TSGA10: variants seen among roughly 807,000 people sequenced by gnomAD.
The protein encoded by TSGA10 is testis-specific gene 10 protein.
Under a neutral mutation model 96.6 loss-of-function variants are expected in TSGA10, and 43 were observed. The ratio of observed to expected loss-of-function variants is 0.44; its 90% confidence interval spans 0.35 to 0.57. TSGA10 has a LOEUF of 0.57. Among genes scored for constraint, TSGA10 ranks in the 20% least tolerant of loss-of-function variants. TSGA10 has a pLI of 0.01. For synonymous variants in TSGA10, 229 were observed against 269.9 expected, an observed-to-expected ratio of 0.85 and a Z score of 1.48; for missense variants, 703 against 834.4, an observed-to-expected ratio of 0.84 and a Z score of 1.94.
chr2:99,114,626 C>A (rs756348109), intron 4 of TSGA10, among the ~76,000 whole-genome samples: 9 of 152,122 alleles, frequency 5.9e-5, no homozygotes, highest in Admixed American at 5.2e-4. Flanking sequence ...CTTTGCCAAA[C>A]CAGGCAAAAT....
At chr2:99,060,912 C>A (rs769715652) in intron 16 of TSGA10, among the ~76,000 whole-genome samples, 1 of 152,070 alleles carries the variant, frequency 6.6e-6, no homozygotes, top group Non-Finnish European at 1.5e-5. Flanking sequence ...TTACATCATA[C>A]ACAAGTATTA....
At chr2:99,025,922 TC>T (rs1448528919) in intron 17 of TSGA10, among the ~76,000 whole-genome samples, 1 of 152,218 alleles carries the variant, frequency 6.6e-6, no homozygotes, top group East Asian at 1.9e-4. Context: ...CTTTTATCAA[TC>T]CCTAACAATT....
intron 1 of TSGA10, among the ~76,000 whole-genome samples, chr2:99,135,517 G>A (rs529380856): frequency 6.6e-6 from 1 of 152,226 alleles, no homozygotes; most frequent in East Asian, 1.9e-4. Context: ...TTTTTTCAAT[G>A]TGAAGTCTAA....
chr2:99,096,328 T>C (rs2090032115), intron 10 of TSGA10, among the ~76,000 whole-genome samples: 1 of 152,262 alleles, frequency 6.6e-6, no homozygotes. Context: ...TTTCTAAGTT[T>C]GGATCAGCTT....
chr2:99,014,658 G>T (rs894514465), intron 20 of TSGA10, among the ~76,000 whole-genome samples: 1 of 134,444 alleles, frequency 7.4e-6, no homozygotes, highest in African/African-American at 3.2e-5. Context: ...AGAATTAAAT[G>T]AAAATGAGAC....
rs1307340180 is a variant in TSGA10 at position 99,145,769 on chromosome 2, AT to A, written c.-621+8923del. ...CAGCTGGGGACCAGATATGTAGATA[AT>A]TTTTTTCTCTGATATGGGAAGCAAC... is the stretch of plus-strand genomic sequence containing the variant. On this transcript the variant is annotated intron_variant, in intron 1 of 20. Transcript: ENST00000393483. Among the ~76,000 whole-genome samples, 5 of 152,226 alleles carry A rather than the reference AT, an allele frequency of 3.3e-5. No individual in the cohort carries two copies. The East Asian group carries it at 7.7e-4, about 23-fold the overall frequency.
chr2:99,150,935 G>T (rs899672668), intron 1 of TSGA10: 6 of 719,418 alleles, frequency 8.3e-6, no homozygotes, highest in Non-Finnish European at 1.2e-5. Flanking sequence ...ACAAAATGAT[G>T]GAAGACTATT....
intron 10 of TSGA10, among the ~76,000 whole-genome samples, chr2:99,101,400 T>C (rs1447128518): frequency 6.6e-6 from 1 of 152,064 alleles, no homozygotes; most frequent in Non-Finnish European, 1.5e-5. Flanking sequence ...AGTCCTGGCC[T>C]CAAGTAATCC....
At chr2:99,001,221 T>G (rs1232772209) in intron 20 of TSGA10, among the ~76,000 whole-genome samples, 5 of 152,132 alleles carry the variant, frequency 3.3e-5, no homozygotes, top group Non-Finnish European at 7.3e-5. Context: ...CACCTCCCAG[T>G]AGGGGCAAAC....
intron 10 of TSGA10, among the ~76,000 whole-genome samples, chr2:99,086,942 T>G (rs183572255): frequency 6.6e-6 from 1 of 151,648 alleles, no homozygotes; most frequent in Non-Finnish European, 1.5e-5. Context: ...CAGTGTCTCA[T>G]GCCTGTAATC....
chr2:99,039,109 C>T (rs1284949469), intron 16 of TSGA10, among the ~76,000 whole-genome samples: 1 of 151,888 alleles, frequency 6.6e-6, no homozygotes, highest in African/African-American at 2.4e-5. Flanking sequence ...AGTGCCACAA[C>T]TTATCAAAAC....
At chr2:99,132,593 G>A (rs185708699) in intron 1 of TSGA10, among the ~76,000 whole-genome samples, 8 of 152,094 alleles carry the variant, frequency 5.3e-5, no homozygotes, top group Non-Finnish European at 7.4e-5. Flanking sequence ...AGGGCTTTTC[G>A]TGTCTCTATC....
At chr2:99,126,476 A>G (rs1323552583) in intron 2 of TSGA10, 1 of 152,234 alleles carries the variant, frequency 6.6e-6, no homozygotes, top group Non-Finnish European at 1.5e-5. Context: ...TCCACCTTTC[A>G]AAGTCTTAAA....
chr2:99,110,780 A>G (rs552472174), intron 5 of TSGA10, 70 bp downstream of exon 5: 21 of 350,796 alleles, frequency 6.0e-5, no homozygotes, highest in Non-Finnish European at 8.0e-5. Context: ...AGCCAAAGAT[A>G]TAATTTTTTA....
chr2:99,068,752 C>T, intron 15 of TSGA10, 136 bp downstream of exon 15: 1 of 406,534 alleles, frequency 2.5e-6, no homozygotes, highest in Non-Finnish European at 4.5e-6. Context: ...TGTAGTTAAC[C>T]CACCATTGTC....
chr2:99,146,339 T>G (rs1179991555), intron 1 of TSGA10, among the ~76,000 whole-genome samples: 2 of 152,244 alleles, frequency 1.3e-5, no homozygotes, highest in Non-Finnish European at 2.9e-5. Context: ...GGTTTTCTTT[T>G]TCCTTGCTAA....
intron 20 of TSGA10, among the ~76,000 whole-genome samples, chr2:99,005,356 C>T (rs1293863131): frequency 2.0e-5 from 3 of 152,180 alleles, no homozygotes; most frequent in Non-Finnish European, 4.4e-5. Context: ...CAAATTGGCC[C>T]TGTTTGCAGA....
chr2:99,145,667 G>T (rs2093624431), intron 1 of TSGA10, among the ~76,000 whole-genome samples: 1 of 152,056 alleles, frequency 6.6e-6, no homozygotes, highest in Non-Finnish European at 1.5e-5. Flanking sequence ...ATTCCCCCTT[G>T]CCACATAACA....
At chr2:99,117,495 A>G in intron 4 of TSGA10, 49 bp downstream of exon 4, 2 of 869,244 alleles carry the variant, frequency 2.3e-6, no homozygotes, top group Non-Finnish European at 2.8e-6. Flanking sequence ...TAAAAATTAC[A>G]TGATGTTTAA....
Sources: allele counts gnomAD v4.1 joint callset (sites outside exome capture counted in the v4.1 genomes callset), GRCh38; gene constraint gnomAD v4.1.1; transcripts MANE v1.5; gene names NCBI Gene and HGNC (gene_info 2026-07-23, HGNC 2026-07-21).